The following B3GAT3 variants were observed in gnomAD, a reference collection of about 807,000 sequenced individuals.
B3GAT3 encodes the protein beta-1,3-glucuronyltransferase 3, also known as galactosylgalactosylxylosylprotein 3-beta-glucuronosyltransferase 3.
Under a neutral mutation model 33.1 loss-of-function variants are expected in B3GAT3, and 19 were observed. That is an observed-to-expected ratio of 0.57 (90% CI 0.40 to 0.84). The LOEUF (loss-of-function observed/expected upper bound fraction) is 0.84. Ranked by LOEUF, B3GAT3 falls within the 40% of genes least tolerant of loss-of-function variation. B3GAT3 has a pLI of 0.00. For synonymous variants in B3GAT3, 167 were observed against 193.5 expected (o/e 0.86, Z 1.14); for missense variants, 344 against 441.5 (o/e 0.78, Z 1.98).
At chr11:62,616,901 A>T (rs1943040819) in intron 3 of B3GAT3, 86 bp downstream of exon 3, 11 of 1,612,756 alleles carry the variant, frequency 6.8e-6, no homozygotes, top group Non-Finnish European at 9.3e-6. Flanking sequence ...CCCCTCACCC[A>T]GCAGCCAACG....
At chr11:62,617,898 G>A (rs1332038011) in intron 2 of B3GAT3, among the ~76,000 whole-genome samples, 37 of 150,506 alleles carry the variant, frequency 2.5e-4, no homozygotes, top group African/African-American at 8.8e-4. Flanking sequence ...AAAAAAGGCC[G>A]GGCATGTTGG....
intron 2 of B3GAT3, among the ~76,000 whole-genome samples, chr11:62,618,766 G>A (rs907468088): frequency 1.3e-5 from 2 of 151,584 alleles, no homozygotes; most frequent in Non-Finnish European, 1.5e-5. Context: ...GGTGGAACAC[G>A]AAGTCAGGAG....
intron 2 of B3GAT3, among the ~76,000 whole-genome samples, chr11:62,619,951 TTCTA>T (rs1382383108): frequency 6.6e-6 from 1 of 152,146 alleles, no homozygotes; most frequent in East Asian, 1.9e-4. Flanking sequence ...AATGTTATTG[TTCTA>T]TCTTATAATT....
chr11:62,619,883 G>A (rs969779686), intron 2 of B3GAT3, among the ~76,000 whole-genome samples: 1 of 151,606 alleles, frequency 6.6e-6, no homozygotes, highest in Non-Finnish European at 1.5e-5. Flanking sequence ...TAACTTTCTT[G>A]CCAAACGGTC....
Position 62,615,772 on chromosome 11 carries a change from T to A in B3GAT3, c.937A>T (p.Lys313Ter). Reference sequence around the variant, plus strand: ...TGCTCCTCCTGCTTCATCTTGGGCTTCTCTGTCCGAGTATGCCACACCAGT... The same window carrying A: ...TGCTCCTCCTGCTTCATCTTGGGCTACTCTGTCCGAGTATGCCACACCAGT... ...RVLVWHTRTEKPKMKQEEQLQ... is the reference protein window; with the variant it reads ...RVLVWHTRTE The change falls in exon 5 of 5, where the codon AAG becomes TAG. Residue 313 changes from lysine (K) to a stop codon, truncating the protein, a stop_gained. Transcript: ENST00000265471. LOFTEE classifies it high-confidence loss of function. The A allele has an allele frequency of 6.2e-7, 1 of 1,613,976 alleles. No individual in the cohort carries two copies. Among genetic ancestry groups the A allele is most frequent in the Non-Finnish European group, 8.5e-7 (1 of 1,180,020 alleles).
Position 62,621,866 on chromosome 11 carries a change from C to T in B3GAT3, c.82G>A (p.Gly28Ser). 7 of 1,611,388 alleles carry T rather than the reference C, an allele frequency of 4.3e-6. No homozygotes were observed. Among genetic ancestry groups the T allele is most frequent in the South Asian group, 2.2e-5 (2 of 91,022 alleles). Residue 28 changes from glycine to serine, a missense_variant and splice_region_variant, in exon 1 of 5, where the codon GGC becomes AGC. By Grantham distance (56) the Gly-to-Ser change is moderately conservative. Transcript: ENST00000265471. Reference protein sequence around the residue: ...AGLLYALVQLGQPCDCLPPLR... With the variant: ...AGLLYALVQLSQPCDCLPPLR... ...CGCACCCCCGCCCCGCCCCGCTCAC[C>T]GAGCTGTACCAGCGCGTAGAGGAGG...
At position 62,617,243 on chromosome 11, in the gene B3GAT3, A is replaced by T. The variant is rs769107143; in HGVS notation, c.362T>A (p.Val121Asp). ...VEDAEGPTPLVSGLLAASGLL... is the reference protein window; with the variant it reads ...VEDAEGPTPLDSGLLAASGLL... ...GCCAGAGGCAGCCAGCAGCCCTGAG[A>T]CCAGCGGGGTGGGACCCTCAGCATC... is the stretch of plus-strand genomic sequence containing the variant. Residue 121 changes from valine (V) to aspartate (D), a missense_variant, in exon 3 of 5, where the codon GTC becomes GAC. Physicochemically the swap from Val to Asp is radical, Grantham distance 152 (BLOSUM62 -3). Coordinates refer to ENST00000265471, the MANE Select transcript of B3GAT3 (RefSeq NM_012200.4). The T allele has an allele frequency of 1.2e-6, 2 of 1,613,278 alleles. No homozygotes were observed. The highest frequency in any genetic ancestry group is 8.5e-7 in the Non-Finnish European group (1 of 1,179,840).
chr11:62,620,596 T>C lies in B3GAT3; in HGVS notation c.158A>G (p.Gln53Arg). 6.2e-7 allele frequency: 1 copy of C among 1,612,842 alleles called. No individual in the cohort carries two copies. Among genetic ancestry groups the C allele is most frequent in the Non-Finnish European group, 8.5e-7 (1 of 1,179,460 alleles). The change falls in exon 2 of 5, where the codon CAG (glutamine) becomes CGG (arginine). Residue 53 changes from glutamine (Q) to arginine (R), a missense_variant. Transcript: ENST00000265471. Reference protein sequence around the residue: ...QLRQKDLRISQLQAELRRPPP... With the variant: ...QLRQKDLRISRLQAELRRPPP... ...TGGCCGTCGGAGTTCCGCTTGCAGC[T>C]GGGAAATCCTCAGATCCTTCTGCCG...
rs374836093 is a variant in B3GAT3 at position 62,616,802 on chromosome 11, G to A, written c.619-6C>T. The A allele has an allele frequency of 2.1e-5, 34 of 1,613,780 alleles. No individual in the cohort carries two copies. In the African/African-American group the frequency reaches 3.1e-4, roughly 15 times the overall value. On this transcript the variant is annotated splice_region_variant and splice_polypyrimidine_tract_variant and intron_variant, in intron 3 of 4. Coordinates refer to ENST00000265471, the MANE Select transcript of B3GAT3 (RefSeq NM_012200.4). ...ACACCACGGGTCCAGCGCATCTAAC[G>A]GAGGTCGGGAGAGAAGAAACAGAGG...
intron 2 of B3GAT3, 44 bp from the exon 3 acceptor site, chr11:62,617,391 T>A: frequency 1.9e-6 from 3 of 1,605,098 alleles, no homozygotes; most frequent in Non-Finnish European, 2.5e-6. Flanking sequence ...GCAGGCACCA[T>A]TTGCCTGCTC....
Position 62,617,079 on chromosome 11 carries a change from C to T in B3GAT3, c.526G>A (p.Gly176Ser), listed in dbSNP as rs1282350838. 2 of 1,614,118 alleles carry T rather than the reference C, an allele frequency of 1.2e-6. No individual in the cohort carries two copies. Among genetic ancestry groups the T allele is most frequent in the Admixed American group, 3.3e-5 (2 of 60,024 alleles). ...DWLRGRGGAV[G>S]GEKDPPPPGT... is the part of the protein sequence containing the mutation. ...GGTGGTGGTGGGTCCTTCTCCCCAC[C>T]CACAGCACCCCCTCTGCCCCGGAGC... The change falls in exon 3 of 5, where the codon GGT becomes AGT. Residue 176 changes from glycine (G) to serine (S), a missense_variant. Transcript: ENST00000265471.
rs1943047496 is a variant in B3GAT3, at chr11:62,617,105, C to T, written c.500G>A (p.Trp167Ter). ...GVEQRNKALD[W>*]LRGRGGAVGG... ...CACAGCACCCCCTCTGCCCCGGAGC[C>T]AGTCCAGGGCCTTGTTCCGCTGCTC... The change falls in exon 3 of 5, where the codon TGG (tryptophan) becomes TAG (stop). Residue 167 changes from tryptophan (W) to a stop codon, truncating the protein, a stop_gained. Transcript: ENST00000265471. LOFTEE classifies it high-confidence loss of function. The T allele has an allele frequency of 6.2e-7, 1 of 1,614,098 alleles. No individual in the cohort carries two copies. The highest frequency in any genetic ancestry group is 8.5e-7 in the Non-Finnish European group (1 of 1,180,022).
intron 1 of B3GAT3, 92 bp downstream of exon 1, chr11:62,621,774 T>A: frequency 3.8e-6 from 5 of 1,303,186 alleles, no homozygotes; most frequent in Admixed American, 2.7e-5. Context: ...AGCGGATGAA[T>A]GGTGTTTGCC....
At chr11:62,619,130 AAC>A (rs1212268114) in intron 2 of B3GAT3, among the ~76,000 whole-genome samples, 2 of 151,420 alleles carry the variant, frequency 1.3e-5, no homozygotes, top group Non-Finnish European at 2.9e-5. Flanking sequence ...CAGCCTGGGC[AAC>A]AGAGCAAGAC....
intron 1 of B3GAT3, 137 bp downstream of exon 1, chr11:62,621,729 G>T: frequency 1.1e-6 from 1 of 938,522 alleles, no homozygotes; most frequent in Non-Finnish European, 1.6e-6. Context: ...ATAGAGGGCA[G>T]TGCGCCTGAG....
intron 2 of B3GAT3, among the ~76,000 whole-genome samples, chr11:62,619,649 A>G (rs1469003429): frequency 7.0e-6 from 1 of 141,936 alleles, no homozygotes; most frequent in Non-Finnish European, 1.5e-5. Context: ...TTCCCACCTC[A>G]GCCTCCAGAG....
rs1320643476 is a variant in B3GAT3 at position 62,616,167 on chromosome 11, C to T, written c.909+339G>A. On this transcript the variant is annotated intron_variant, in intron 4 of 4. Coordinates refer to ENST00000265471, the MANE Select transcript of B3GAT3 (RefSeq NM_012200.4). The stretch of plus-strand genomic sequence containing the variant: ...GCTGAGGCAGGAGAATGGTGTGAAC[C>T]CGGGAGGCGGAGCTTGCGCTAAGCC... 52 of 533,438 alleles carry T rather than the reference C, an allele frequency of 9.7e-5. No individual in the cohort carries two copies. In the East Asian group the frequency reaches 2.0e-3, roughly 21 times the overall value. The allele number at this position is 533,438 out of a possible 1,614,324, so 33.0% of individuals were successfully genotyped here.
At chr11:62,619,044 G>C (rs556958869) in intron 2 of B3GAT3, among the ~76,000 whole-genome samples, 1 of 151,738 alleles carries the variant, frequency 6.6e-6, no homozygotes, top group African/African-American at 2.4e-5. Context: ...CCAGCTACTC[G>C]GGAGGCTGAG....
At position 62,615,768 on chromosome 11, in the gene B3GAT3, G is replaced by T. The variant is rs1249916361; in HGVS notation, c.941C>A (p.Pro314His). The change falls in exon 5 of 5, where the codon CCC (proline) becomes CAC (histidine). Residue 314 changes from proline to histidine, a missense_variant. Coordinates refer to ENST00000265471, the MANE Select transcript of B3GAT3 (RefSeq NM_012200.4). The part of the protein sequence containing the change: ...VLVWHTRTEK[P>H]KMKQEEQLQR... Reference sequence around the variant, plus strand: ...CAGCTGCTCCTCCTGCTTCATCTTGGGCTTCTCTGTCCGAGTATGCCACAC... The same window carrying T: ...CAGCTGCTCCTCCTGCTTCATCTTGTGCTTCTCTGTCCGAGTATGCCACAC... The T allele has an allele frequency of 6.2e-7, 1 of 1,613,988 alleles. No individual in the cohort carries two copies. The highest frequency in any genetic ancestry group is 1.7e-5 in the Admixed American group (1 of 60,030).
Sources: gnomAD v4.1 joint callset for allele counts (sites outside exome capture counted in the v4.1 genomes callset) on GRCh38, gnomAD v4.1.1 for gene constraint, MANE v1.5 for transcripts, NCBI Gene and HGNC (gene_info 2026-07-23, HGNC 2026-07-21) for gene names.